RAB3GAP1: variants seen among roughly 807,000 people sequenced by gnomAD.
The protein encoded by RAB3GAP1 is RAB3 GTPase activating protein catalytic subunit 1.
A neutral mutation model predicts 130.7 loss-of-function variants in RAB3GAP1; 86 were observed. The observed-to-expected ratio is 0.66, with a 90% CI of 0.55 to 0.79. The LOEUF (loss-of-function observed/expected upper bound fraction) is 0.79. Ranked by LOEUF, RAB3GAP1 falls within the 30% of genes least tolerant of loss-of-function variation. The pLI is 0.00. For missense variants in RAB3GAP1, 1,029 were observed against 1,169.4 expected, an observed-to-expected ratio of 0.88 and a Z score of 1.75; for synonymous variants, 367 against 401.7, an observed-to-expected ratio of 0.91 and a Z score of 1.03.
intron 13 of RAB3GAP1, among the ~76,000 whole-genome samples, chr2:135,132,317 AT>A (rs1236339435): frequency 2.0e-5 from 3 of 151,560 alleles, no homozygotes; most frequent in Admixed American, 6.6e-5. Context: ...TGTACACTGG[AT>A]TTTTTTTTGA....
intron 17 of RAB3GAP1, among the ~76,000 whole-genome samples, chr2:135,147,622 C>T (rs982515095): frequency 3.4e-5 from 5 of 148,022 alleles, no homozygotes; most frequent in African/African-American, 1.0e-4. Flanking sequence ...CCCTCCCCCC[C>T]CCTTTTTTTT....
intron 19 of RAB3GAP1, among the ~76,000 whole-genome samples, chr2:135,161,961 T>C: frequency 6.6e-6 from 1 of 152,184 alleles, no homozygotes; most frequent in East Asian, 1.9e-4. Context: ...AAAATTTTTA[T>C]TGATGTAAAA....
chr2:135,075,095 G>A (rs1346199587), intron 3 of RAB3GAP1, among the ~76,000 whole-genome samples: 1 of 152,180 alleles, frequency 6.6e-6, no homozygotes, highest in African/African-American at 2.4e-5. Flanking sequence ...TCAGTAAAAT[G>A]TAAGAAAAGT....
intron 19 of RAB3GAP1, chr2:135,162,288 C>T (rs759451575): frequency 1.7e-5 from 7 of 402,120 alleles, no homozygotes; most frequent in South Asian, 3.0e-5. Flanking sequence ...TGTAATCAGT[C>T]GGTAGTTTTT....
chr2:135,080,919 C>T (rs1296580087), intron 3 of RAB3GAP1, among the ~76,000 whole-genome samples: 1 of 152,068 alleles, frequency 6.6e-6, no homozygotes, highest in African/African-American at 2.4e-5. Flanking sequence ...TGAAGGCCAG[C>T]CAGGCCACCT....
intron 3 of RAB3GAP1, among the ~76,000 whole-genome samples, chr2:135,087,969 A>T (rs1690035517): frequency 6.6e-6 from 1 of 152,204 alleles, no homozygotes; most frequent in Non-Finnish European, 1.5e-5. Context: ...ACTTGGTATC[A>T]AGTGACTATA....
chr2:135,174,436 C>T (rs890792303), downstream of RAB3GAP1, among the ~76,000 whole-genome samples: 9 of 152,216 alleles, frequency 5.9e-5, no homozygotes, highest in African/African-American at 1.9e-4. Flanking sequence ...CAGGAGTCTC[C>T]CAGCCTGCCT....
chr2:135,060,078 A>G (rs1279928121), intron 3 of RAB3GAP1, among the ~76,000 whole-genome samples: 1 of 152,188 alleles, frequency 6.6e-6, no homozygotes, highest in African/African-American at 2.4e-5. Flanking sequence ...TATATGAAGT[A>G]AACAGAATAG....
intron 3 of RAB3GAP1, among the ~76,000 whole-genome samples, chr2:135,079,841 T>C (rs995194525): frequency 6.6e-6 from 1 of 152,206 alleles, no homozygotes; most frequent in Non-Finnish European, 1.5e-5. Flanking sequence ...ATCTATAAAA[T>C]GAGGTTGGCT....
intron 11 of RAB3GAP1, among the ~76,000 whole-genome samples, chr2:135,127,735 G>T (rs749150440): frequency 1.4e-4 from 22 of 152,124 alleles, no homozygotes; most frequent in Admixed American, 3.9e-4. Flanking sequence ...AAAGAAATGT[G>T]AATAATCTTA....
At position 135,155,043 on chromosome 2, in the gene RAB3GAP1, A is replaced by T. The variant is rs531537130; in HGVS notation, c.2289+1167A>T. On this transcript the variant is annotated intron_variant, in intron 19 of 23. Transcript: ENST00000264158. ...CAGGTAATGAAAATATTTCCCAGAA[A>T]ATCAGTCACAAAGCAGAAGAAAATT... Among the ~76,000 whole-genome samples the T allele has an allele frequency of 1.8e-3, 278 of 152,314 alleles. 2 individuals carry two copies. Among genetic ancestry groups the T allele is most frequent in the Middle Eastern group, 0.014 (4 of 294 alleles).
intron 13 of RAB3GAP1, among the ~76,000 whole-genome samples, chr2:135,132,113 T>TA (rs1271891451): frequency 6.6e-6 from 1 of 152,254 alleles, no homozygotes; most frequent in African/African-American, 2.4e-5. Context: ...CATCTAATTT[T>TA]TAAAAGTCTA....
In RAB3GAP1 at chr2:135,132,985, G is replaced by GT; in HGVS notation, c.1326+2dup. ...TCCTCCATCAGAGAGTGAAGACTATGTAAGTTGATGTGGAGTTCAATGTTA... is the reference window on the plus strand; with the variant it reads ...TCCTCCATCAGAGAGTGAAGACTATGTTAAGTTGATGTGGAGTTCAATGTTA... On this transcript the variant is annotated splice_donor_variant, in intron 14 of 23. Transcript: ENST00000264158. LOFTEE classifies it high-confidence loss of function. 1 of 1,499,934 alleles carries GT rather than the reference G, an allele frequency of 6.7e-7. No homozygotes were observed. Among genetic ancestry groups the GT allele is most frequent in the Non-Finnish European group, 9.3e-7 (1 of 1,076,958 alleles). 92.9% of individuals were successfully genotyped at this position (1,499,934 alleles called of 1,614,324 possible).
chr2:135,056,127 C>T (rs984524259), intron 2 of RAB3GAP1, among the ~76,000 whole-genome samples: 4 of 151,804 alleles, frequency 2.6e-5, no homozygotes, highest in African/African-American at 7.3e-5. Context: ...TGAGCCACCA[C>T]GCCCGGCCGA....
intron 3 of RAB3GAP1, among the ~76,000 whole-genome samples, chr2:135,087,701 G>A (rs1242254190): frequency 2.6e-5 from 4 of 151,966 alleles, no homozygotes. Flanking sequence ...AATACAGATG[G>A]TTATTATATA....
intron 19 of RAB3GAP1, among the ~76,000 whole-genome samples, chr2:135,159,182 C>A (rs1692399055): frequency 6.6e-6 from 1 of 152,172 alleles, no homozygotes; most frequent in Non-Finnish European, 1.5e-5. Flanking sequence ...GTGCAGAATT[C>A]TAAATGTATA....
intron 3 of RAB3GAP1, among the ~76,000 whole-genome samples, chr2:135,061,567 C>T (rs1277031114): frequency 6.6e-6 from 1 of 152,102 alleles, no homozygotes; most frequent in East Asian, 1.9e-4. Flanking sequence ...AATTTTCATG[C>T]ATTTATTAGC....
intron 17 of RAB3GAP1, 111 bp from the exon 18 acceptor site, chr2:135,150,258 C>G: frequency 3.1e-6 from 4 of 1,285,966 alleles, no homozygotes; most frequent in Non-Finnish European, 3.3e-6. Context: ...TTTAAAAATA[C>G]TCATCTTGTG....
chr2:135,090,890 G>T, intron 3 of RAB3GAP1, 108 bp from the exon 4 acceptor site: 2 of 952,282 alleles, frequency 2.1e-6, no homozygotes, highest in Non-Finnish European at 1.7e-6. Flanking sequence ...TTGATTGTAT[G>T]GAGGATATTT....
Sources: allele counts gnomAD v4.1 joint callset (sites outside exome capture counted in the v4.1 genomes callset), GRCh38; gene constraint gnomAD v4.1.1; transcripts MANE v1.5; gene names NCBI Gene and HGNC (gene_info 2026-07-23, HGNC 2026-07-21).